Variants in PGAM1 observed in about 807,000 individuals in gnomAD.
The protein encoded by PGAM1 is BPG-dependent PGAM 1.
A neutral mutation model predicts 23.5 loss-of-function variants in PGAM1; 21 were observed. The ratio of observed to expected loss-of-function variants is 0.89; its 90% CI spans 0.63 to 1.29. PGAM1 has a LOEUF of 1.29. PGAM1 is among the 50% of genes most tolerant of loss of function. The pLI is 0.00. For synonymous variants in PGAM1, 109 were observed against 128.6 expected, an observed-to-expected ratio of 0.85 and a Z score of 1.03; for missense variants, 232 against 336.3, an observed-to-expected ratio of 0.69 and a Z score of 2.42.
At position 97,433,310 on chromosome 10, in the gene PGAM1, A is replaced by G. The variant is rs1357104510; in HGVS notation, c.*786A>G. On this transcript the variant is annotated 3_prime_UTR_variant, in exon 4 of 4. Coordinates refer to ENST00000334828, the MANE Select transcript of PGAM1 (RefSeq NM_002629.4). ...GTGAAATGCCTCTTGGTCCTGTCCAAGTGTATCTTTCACTGATTTCTGAAT... is the reference window on the plus strand; with the variant it reads ...GTGAAATGCCTCTTGGTCCTGTCCAGGTGTATCTTTCACTGATTTCTGAAT... 1.3e-5 allele frequency: 2 copies of G among 151,412 alleles called. No homozygotes were observed. Among genetic ancestry groups the G allele is most frequent in the South Asian group, 2.1e-4 (1 of 4,732 alleles). 9.4% of individuals were successfully genotyped at this position (151,412 alleles called of 1,614,324 possible).
chr10:97,432,287 A>T (rs1845478751), intron 3 of PGAM1, 68 bp from the exon 4 acceptor site: 2 of 1,601,480 alleles, frequency 1.2e-6, no homozygotes, highest in Non-Finnish European at 8.5e-7. Flanking sequence ...CACCTGGAGG[A>T]CAAAGTAAAC....
intron 3 of PGAM1, 81 bp downstream of exon 3, chr10:97,431,216 C>T: frequency 6.5e-7 from 1 of 1,527,658 alleles, no homozygotes; most frequent in Non-Finnish European, 9.1e-7. Flanking sequence ...AAAAAGGAGT[C>T]TAGGGAAGGG....
intron 1 of PGAM1, 110 bp downstream of exon 1, chr10:97,426,556 C>CAAG: frequency 7.5e-7 from 1 of 1,337,154 alleles, no homozygotes; most frequent in Non-Finnish European, 1.0e-6. Flanking sequence ...GGCAGCATCT[C>CAAG]TCTTAACAGT....
Position 97,432,749 on chromosome 10 carries a change from A to G in PGAM1, c.*225A>G. 1 of 504,610 alleles carries G rather than the reference A, an allele frequency of 2.0e-6. No homozygotes were observed. Among genetic ancestry groups the G allele is most frequent in the East Asian group, 3.5e-5 (1 of 28,560 alleles). 31.3% of individuals were successfully genotyped at this position (504,610 alleles called of 1,614,324 possible). On this transcript the variant is annotated 3_prime_UTR_variant, in exon 4 of 4. Coordinates refer to ENST00000334828, the MANE Select transcript of PGAM1 (RefSeq NM_002629.4). The stretch of plus-strand genomic sequence containing the variant: ...TAGCAGTTCTAGAGCACAGGTTCTC[A>G]GTCTAAGCTATGGAAAAGCTCCCCT...
intron 1 of PGAM1, among the ~76,000 whole-genome samples, chr10:97,429,249 G>A (rs1020474040): frequency 6.6e-6 from 1 of 151,760 alleles, no homozygotes; most frequent in Non-Finnish European, 1.5e-5. Context: ...GACTACAGGC[G>A]CCCGCCACCA....
Position 97,426,218 on chromosome 10 carries a change from C to G in PGAM1, c.-90C>G. ...GAACTTGCGCGGGAGCCGGACTGAG[C>G]GGTGCGAGCGCGCAGGCGCGGCCGA... is the stretch of plus-strand genomic sequence containing the variant. On this transcript the variant is annotated 5_prime_UTR_variant, in exon 1 of 4. Coordinates refer to ENST00000334828, the MANE Select transcript of PGAM1 (RefSeq NM_002629.4). 2 of 1,581,404 alleles carry G rather than the reference C, an allele frequency of 1.3e-6. No individual in the cohort carries two copies. Among genetic ancestry groups the G allele is most frequent in the Non-Finnish European group, 1.7e-6 (2 of 1,156,038 alleles).
Position 97,431,136 on chromosome 10 carries a change from G to T in PGAM1, c.595+1G>T, listed in dbSNP as rs1387126003. ...CGGGGCATTGTCAAGCATCTGGAGG[G>T]TATGTATGTTTTTTCAGAGGCGCCC... On this transcript the variant is annotated splice_donor_variant, in intron 3 of 3. Transcript: ENST00000334828. LOFTEE classifies it high-confidence loss of function. The T allele has an allele frequency of 6.2e-7, 1 of 1,614,154 alleles. No homozygotes were observed. The highest frequency in any genetic ancestry group is 1.7e-5 in the Admixed American group (1 of 60,014).
intron 1 of PGAM1, among the ~76,000 whole-genome samples, chr10:97,426,704 C>T (rs1845413885): frequency 6.6e-6 from 1 of 152,274 alleles, no homozygotes; most frequent in African/African-American, 2.4e-5. Context: ...CACGACACCA[C>T]TTCGCAGTTT....
rs1474722815 is a variant in PGAM1, at chr10:97,429,393, C to T, written c.140-986C>T. Among the ~76,000 whole-genome samples, 3 of 152,146 alleles carry T rather than the reference C, an allele frequency of 2.0e-5. No individual in the cohort carries two copies. The East Asian group carries it at 5.8e-4, about 29-fold the overall frequency. On this transcript the variant is annotated intron_variant, in intron 1 of 3. Coordinates refer to ENST00000334828, the MANE Select transcript of PGAM1 (RefSeq NM_002629.4). ...TGCTGGGATTACAGACGTGAGCCAC[C>T]GTGCCGGGCCAAGACTGATTTCTTG...
chr10:97,430,378 G>A lies in PGAM1; in HGVS notation c.140-1G>A, dbSNP rs1005733714. On this transcript the variant is annotated splice_acceptor_variant, in intron 1 of 3. Coordinates refer to ENST00000334828, the MANE Select transcript of PGAM1 (RefSeq NM_002629.4). LOFTEE classifies it high-confidence loss of function. ...TATCACTTTGAACTTCTGATTTCCA[G>A]ATGCTGGCTATGAGTTTGACATCTG... 6.2e-7 allele frequency: 1 copy of A among 1,611,842 alleles called. No individual in the cohort carries two copies. Among genetic ancestry groups the A allele is most frequent in the Non-Finnish European group, 8.5e-7 (1 of 1,179,874 alleles).
intron 1 of PGAM1, 126 bp from the exon 2 acceptor site, chr10:97,430,253 G>A (rs113668589): frequency 3.4e-6 from 4 of 1,163,936 alleles, no homozygotes; most frequent in African/African-American, 1.5e-5. Context: ...AAAACAGTTG[G>A]CCAAATATTT....
chr10:97,428,256 G>A (rs1845432832), intron 1 of PGAM1, among the ~76,000 whole-genome samples: 1 of 152,146 alleles, frequency 6.6e-6, no homozygotes, highest in Non-Finnish European at 1.5e-5. Flanking sequence ...AGATTTAACG[G>A]TTTAAAAGGT....
Position 97,426,278 on chromosome 10 carries a change from C to G in PGAM1, c.-30C>G. The stretch of plus-strand genomic sequence containing the variant: ...CTGCTACTCCGGAATCTGCTAATCC[C>G]AGTCGGTGCCGCATCCCCAGCCCGC... On this transcript the variant is annotated 5_prime_UTR_variant, in exon 1 of 4. Coordinates refer to ENST00000334828, the MANE Select transcript of PGAM1 (RefSeq NM_002629.4). 8 of 1,609,848 alleles carry G rather than the reference C, an allele frequency of 5.0e-6. No homozygotes were observed. Among genetic ancestry groups the G allele is most frequent in the Non-Finnish European group, 6.8e-6 (8 of 1,179,160 alleles).
At chr10:97,430,278 A>G (rs991286215) in intron 1 of PGAM1, 101 bp from the exon 2 acceptor site, 87 of 1,435,284 alleles carry the variant, frequency 6.1e-5, no homozygotes, top group Non-Finnish European at 8.3e-5. Context: ...TTTTGGCCAA[A>G]TATTGTCATT....
At chr10:97,431,286 C>T (rs1845469045) in intron 3 of PGAM1, 151 bp downstream of exon 3, 5 of 946,144 alleles carry the variant, frequency 5.3e-6, no homozygotes, top group Non-Finnish European at 8.3e-6. Context: ...AAAACACCCT[C>T]AACCCTTGTT....
intron 3 of PGAM1, among the ~76,000 whole-genome samples, chr10:97,431,889 T>TAA (rs549613576): frequency 9.9e-5 from 14 of 141,778 alleles, no homozygotes; most frequent in South Asian, 2.2e-4. Flanking sequence ...CCTTGTCTCT[T>TAA]AAAAAAAAAA....
chr10:97,432,098 G>C (rs146834933), intron 3 of PGAM1, among the ~76,000 whole-genome samples: 1 of 152,112 alleles, frequency 6.6e-6, no homozygotes, highest in African/African-American at 2.4e-5. Context: ...TCCCACTTTG[G>C]TAGAGATATC....
chr10:97,432,713 T>C lies in PGAM1; in HGVS notation c.*189T>C. ...GCCTGCACCCACTCCCTTCATACAA[T>C]CTAGTCAGAATAGCAGTTCTAGAGC... is the stretch of plus-strand genomic sequence containing the variant. On this transcript the variant is annotated 3_prime_UTR_variant, in exon 4 of 4. Coordinates refer to ENST00000334828, the MANE Select transcript of PGAM1 (RefSeq NM_002629.4). 1.7e-6 allele frequency: 1 copy of C among 591,088 alleles called. No individual in the cohort carries two copies. Among genetic ancestry groups the C allele is most frequent in the Non-Finnish European group, 3.0e-6 (1 of 330,872 alleles). 36.6% of individuals were successfully genotyped at this position (591,088 alleles called of 1,614,324 possible).
At chr10:97,431,254 G>C (rs1017553622) in intron 3 of PGAM1, 119 bp downstream of exon 3, 97 of 1,192,914 alleles carry the variant, frequency 8.1e-5, no homozygotes, top group Admixed American at 2.1e-4. Context: ...TTTAGAGATG[G>C]TCTAGATTGA....
Sources: allele counts gnomAD v4.1 joint callset (sites outside exome capture counted in the v4.1 genomes callset), GRCh38; gene constraint gnomAD v4.1.1; transcripts MANE v1.5; gene names NCBI Gene and HGNC (gene_info 2026-07-23, HGNC 2026-07-21).